WLS: variants seen among roughly 807,000 people sequenced by gnomAD.
WLS encodes protein wntless homolog.
Under a neutral mutation model 62.8 loss-of-function variants are expected in WLS, and 23 were observed. That is an observed-to-expected ratio of 0.37 (90% confidence interval 0.26 to 0.52). The LOEUF (loss-of-function observed/expected upper bound fraction) is 0.52. Among genes scored for constraint, WLS ranks in the 20% least tolerant of loss-of-function variants. WLS has a pLI of 0.92. For synonymous variants in WLS, 246 were observed against 244.1 expected (o/e 1.01, Z -0.07); for missense variants, 615 against 697.3 (o/e 0.88, Z 1.33).
At chr1:68,229,779 C>G (rs72670465) in intron 1 of WLS, among the ~76,000 whole-genome samples, 4 of 152,238 alleles carry the variant, frequency 2.6e-5, no homozygotes, top group African/African-American at 9.6e-5. Context: ...TGGGCTAGAT[C>G]TGATCTGAAT....
intron 10 of WLS, among the ~76,000 whole-genome samples, chr1:68,142,035 A>G (rs1646693697): frequency 6.6e-6 from 1 of 152,264 alleles, no homozygotes; most frequent in African/African-American, 2.4e-5. Flanking sequence ...TACTGAGGCA[A>G]TAGAATATTA....
rs556510457 is a variant in WLS at position 68,152,253 on chromosome 1, T to C, written c.803+1264A>G. The stretch of plus-strand genomic sequence containing the variant: ...AGAGCTGGAATATTTGGGTCCAGAG[T>C]TGGGAGAGGCTGAGGCTAAAGATAC... On this transcript the variant is annotated intron_variant, in intron 5 of 11. Coordinates refer to ENST00000262348, the MANE Select transcript of WLS (RefSeq NM_024911.7). Among the ~76,000 whole-genome samples the C allele has an allele frequency of 1.1e-4, 17 of 152,044 alleles. No homozygotes were observed. The East Asian group carries it at 2.5e-3, about 23-fold the overall frequency.
At chr1:68,170,897 C>T (rs2772304) in intron 2 of WLS, among the ~76,000 whole-genome samples, 1 of 151,996 alleles carries the variant, frequency 6.6e-6, no homozygotes, top group South Asian at 2.1e-4. Flanking sequence ...CATGTCTTTG[C>T]ACAATAGATA....
intron 11 of WLS, among the ~76,000 whole-genome samples, chr1:68,101,204 TAATC>T (rs1258963190): frequency 1.3e-5 from 2 of 152,116 alleles, no homozygotes; most frequent in African/African-American, 4.8e-5. Flanking sequence ...GGGATGATAA[TAATC>T]AACACCTCAT....
chr1:68,153,167 G>A (rs938390345), intron 5 of WLS, among the ~76,000 whole-genome samples: 8 of 152,078 alleles, frequency 5.3e-5, no homozygotes, highest in African/African-American at 1.2e-4. Context: ...TCTAGCTACC[G>A]GGAGGCTGAG....
At chr1:68,119,570 GC>G (rs1174234417) in intron 11 of WLS, among the ~76,000 whole-genome samples, 2 of 152,194 alleles carry the variant, frequency 1.3e-5, no homozygotes, top group African/African-American at 2.4e-5. Context: ...AGCTTCCTCA[GC>G]CCCAGGGGAC....
At chr1:68,149,074 T>A (rs912469306) in intron 6 of WLS, among the ~76,000 whole-genome samples, 1 of 152,214 alleles carries the variant, frequency 6.6e-6, no homozygotes, top group African/African-American at 2.4e-5. Flanking sequence ...CATTTAAATA[T>A]GTAAAGTGTG....
intron 1 of WLS, among the ~76,000 whole-genome samples, chr1:68,221,596 T>C (rs1023442702): frequency 1.3e-4 from 20 of 152,116 alleles, no homozygotes; most frequent in African/African-American, 4.3e-4. Flanking sequence ...AGATAAAATA[T>C]ATGGGAACTG....
At chr1:68,120,415 A>G (rs912323603), downstream of WLS, among the ~76,000 whole-genome samples, 2 of 152,182 alleles carry the variant, frequency 1.3e-5, no homozygotes, top group Non-Finnish European at 2.9e-5. Flanking sequence ...AACATCTCCC[A>G]ATAAGGTCAT....
At chr1:68,217,279 T>A (rs955217979) in intron 1 of WLS, among the ~76,000 whole-genome samples, 1 of 152,348 alleles carries the variant, frequency 6.6e-6, no homozygotes, top group South Asian at 2.1e-4. Context: ...GGTGACCTCA[T>A]GTGGTGTTAA....
chr1:68,137,977 A>G, intron 10 of WLS, 44 bp from the exon 11 acceptor site: 1 of 1,608,102 alleles, frequency 6.2e-7, no homozygotes, highest in Non-Finnish European at 8.5e-7. Context: ...CAGAGAAGAA[A>G]CAGAAGAAAC....
chr1:68,174,827 A>G (rs1301197389), intron 2 of WLS, among the ~76,000 whole-genome samples: 3 of 152,178 alleles, frequency 2.0e-5, no homozygotes, highest in Admixed American at 2.0e-4. Context: ...GTTTATGACC[A>G]TTGATGTTCC....
chr1:68,232,372 C>T lies in WLS; in HGVS notation c.-73G>A, dbSNP rs79620628. ...GTGAGCTTTTTGCTCCCTCCTCTCACACACTCCCTCCTTCCTCGCCTCCTT... is the reference window on the plus strand; with the variant it reads ...GTGAGCTTTTTGCTCCCTCCTCTCATACACTCCCTCCTTCCTCGCCTCCTT... On this transcript the variant is annotated 5_prime_UTR_variant, in exon 1 of 12. The change creates a new upstream start codon in the 5' untranslated region. Transcript: ENST00000262348. The T allele has an allele frequency of 6.5e-7, 1 of 1,545,944 alleles. No homozygotes were observed. The highest frequency in any genetic ancestry group is 8.7e-7 in the Non-Finnish European group (1 of 1,144,636).
At chr1:68,147,533 A>G (rs1478977326) in intron 8 of WLS, among the ~76,000 whole-genome samples, 1 of 152,132 alleles carries the variant, frequency 6.6e-6, no homozygotes, top group African/African-American at 2.4e-5. Context: ...TTCACATACT[A>G]TTCCGGAAGA....
At chr1:68,197,814 C>A (rs763214991) in intron 1 of WLS, among the ~76,000 whole-genome samples, 20 of 152,188 alleles carry the variant, frequency 1.3e-4, no homozygotes, top group Middle Eastern at 3.4e-3. Context: ...TTTGATCTGT[C>A]TGTAAATTTT....
chr1:68,184,725 C>A (rs1017885466), intron 2 of WLS, among the ~76,000 whole-genome samples: 1 of 152,144 alleles, frequency 6.6e-6, no homozygotes, highest in African/African-American at 2.4e-5. Flanking sequence ...AAATATTTAG[C>A]AAAAAGCCAG....
intron 11 of WLS, among the ~76,000 whole-genome samples, chr1:68,116,178 C>T (rs2566761): frequency 0.51 from 77,473 of 152,054 alleles, 20,105 homozygotes; most frequent in Middle Eastern, 0.56. Flanking sequence ...AGCAGCAGCT[C>T]GGAGATTCAG....
chr1:68,208,328 C>T (rs1159396789), intron 1 of WLS, among the ~76,000 whole-genome samples: 1 of 152,100 alleles, frequency 6.6e-6, no homozygotes, highest in African/African-American at 2.4e-5. Context: ...GCTGGTTTTG[C>T]CTCTTCTGTC....
intron 1 of WLS, among the ~76,000 whole-genome samples, chr1:68,213,381 G>T (rs1254796934): frequency 6.7e-6 from 1 of 149,788 alleles, no homozygotes; most frequent in Admixed American, 6.7e-5. Context: ...AACCCGGGAC[G>T]CAGAGGTTGC....
Sources: gnomAD v4.1 joint callset for allele counts (sites outside exome capture counted in the v4.1 genomes callset) on GRCh38, gnomAD v4.1.1 for gene constraint, MANE v1.5 for transcripts, NCBI Gene and HGNC (gene_info 2026-07-23, HGNC 2026-07-21) for gene names.